The following CTNNA2 variants were observed in gnomAD, a reference collection of about 807,000 sequenced individuals.
CTNNA2 encodes catenin alpha-2.
CTNNA2 carries 42 observed loss-of-function variants against 101.0 expected under a neutral mutation model. The ratio of observed to expected loss-of-function variants is 0.42; its 90% CI spans 0.32 to 0.54. CTNNA2 has a LOEUF of 0.54. CTNNA2 is among the 20% of genes least tolerant of loss of function. The pLI, the probability that CTNNA2 is intolerant of heterozygous loss-of-function variation, is 0.14. For missense variants in CTNNA2, 871 were observed against 1,223.1 expected, an observed-to-expected ratio of 0.71 and a Z score of 4.29; for synonymous variants, 450 against 456.4, an observed-to-expected ratio of 0.99 and a Z score of 0.18.
intron 15 of CTNNA2, among the ~76,000 whole-genome samples, chr2:80,596,246 ACTTAAGG>A (rs1696940909): frequency 8.6e-6 from 1 of 116,282 alleles, no homozygotes; most frequent in Non-Finnish European, 1.7e-5. Context: ...TTGCTTATCG[ACTTAAGG>A]AGTTTTTTTG....
intron 4 of CTNNA2, among the ~76,000 whole-genome samples, chr2:79,866,811 A>G (rs1424142095): frequency 1.3e-5 from 2 of 151,890 alleles, no homozygotes; most frequent in Non-Finnish European, 2.9e-5. Flanking sequence ...GTATGATTTG[A>G]TATTTTGCAT....
chr2:80,481,076 A>G (rs753007356), intron 9 of CTNNA2, among the ~76,000 whole-genome samples: 8 of 152,152 alleles, frequency 5.3e-5, no homozygotes, highest in Non-Finnish European at 1.2e-4. Context: ...ACATTTGGTT[A>G]CCTGGACATT....
intron 7 of CTNNA2, among the ~76,000 whole-genome samples, chr2:80,077,180 C>A (rs1157581078): frequency 2.0e-5 from 3 of 152,178 alleles, no homozygotes; most frequent in African/African-American, 4.8e-5. Flanking sequence ...TAAAGTGATA[C>A]AACCTTCTTG....
intron 8 of CTNNA2, among the ~76,000 whole-genome samples, chr2:80,406,038 C>T (rs554321338): frequency 1.3e-5 from 2 of 152,304 alleles, no homozygotes; most frequent in Admixed American, 6.5e-5. Flanking sequence ...TTGCAACTAT[C>T]TAAAGGGAGT....
At chr2:79,794,558 CTTTA>C (rs779744270) in intron 3 of CTNNA2, among the ~76,000 whole-genome samples, 3 of 152,154 alleles carry the variant, frequency 2.0e-5, no homozygotes, top group Admixed American at 6.5e-5. Context: ...TTCTTTCTTT[CTTTA>C]TTTATTTTGC....
chr2:79,904,422 T>C (rs1329966197), intron 6 of CTNNA2, among the ~76,000 whole-genome samples: 1 of 152,172 alleles, frequency 6.6e-6, no homozygotes, highest in Non-Finnish European at 1.5e-5. Context: ...TGACAGATAA[T>C]ACTTAAGTAT....
At chr2:79,974,788 A>G (rs1159229236) in intron 7 of CTNNA2, among the ~76,000 whole-genome samples, 1 of 152,204 alleles carries the variant, frequency 6.6e-6, no homozygotes, top group Non-Finnish European at 1.5e-5. Context: ...ATGCAATGTT[A>G]TAAAGTGAAA....
chr2:80,389,871 G>C lies in CTNNA2; in HGVS notation c.1057-3340G>C, dbSNP rs141431569. ...TGAATTGTTTTCAGCCAAAGACTTT[G>C]AGGCTGGAGAAACCCAGGATCACAA... On this transcript the variant is annotated intron_variant, in intron 7 of 18. Transcript: ENST00000402739. 2.6e-5 allele frequency among the ~76,000 whole-genome samples: 4 copies of C among 152,232 alleles called. No individual in the cohort carries two copies. The East Asian group carries it at 7.8e-4, about 30-fold the overall frequency.
intron 3 of CTNNA2, among the ~76,000 whole-genome samples, chr2:79,355,927 C>CT (rs528475161): frequency 3.3e-5 from 5 of 151,918 alleles, no homozygotes; most frequent in African/African-American, 9.7e-5. Context: ...CATTTGAATA[C>CT]TTTTTTTCTA....
chr2:79,619,572 C>T (rs1310489276), intron 1 of CTNNA2, among the ~76,000 whole-genome samples: 1 of 152,124 alleles, frequency 6.6e-6, no homozygotes, highest in African/African-American at 2.4e-5. Flanking sequence ...CTTTGAGTCT[C>T]AAGATTTTAA....
rs1230311153 is a variant in CTNNA2, at chr2:80,302,930, G to A, written c.1057-90281G>A. The A allele has an allele frequency of 4.3e-6, 7 of 1,613,938 alleles. No individual in the cohort carries two copies. Among genetic ancestry groups the A allele is most frequent in the African/African-American group, 2.7e-5 (2 of 74,874 alleles). ...GGACTTCCAAGAGTTGAGGATCCGG[G>A]GCTCGATGTAGGTGAGGCGGTTGGA... On this transcript the variant is annotated intron_variant, in intron 7 of 18. Transcript: ENST00000402739. This position sits in a 1 kb window ranked among gnomAD's most constrained non-coding sequence, Gnocchi z 6.4.
At chr2:79,474,552 C>T (rs1671032166) in intron 4 of CTNNA2, among the ~76,000 whole-genome samples, 4 of 152,020 alleles carry the variant, frequency 2.6e-5, no homozygotes. Flanking sequence ...ATTTACTGTA[C>T]TTTAATTATT....
rs867437315 is a variant in CTNNA2, at chr2:79,267,831, A to C, written c.-405-44878A>C. ...TGTCCTGGAAAAGCCCCTGGAGATA[A>C]TCCTAATGTGTATTTGAGATGGCTC... On this transcript the variant is annotated intron_variant, in intron 2 of 21. Transcript: ENST00000466387. Among the ~76,000 whole-genome samples, 9 of 152,128 alleles carry C rather than the reference A, an allele frequency of 5.9e-5. No individual in the cohort carries two copies. The South Asian group carries it at 1.2e-3, about 21-fold the overall frequency.
At chr2:80,537,891 C>A (rs1266271802) in intron 9 of CTNNA2, among the ~76,000 whole-genome samples, 1 of 152,036 alleles carries the variant, frequency 6.6e-6, no homozygotes, top group Non-Finnish European at 1.5e-5. Flanking sequence ...CCACACCCGC[C>A]CTGTTTCCTG....
intron 7 of CTNNA2, among the ~76,000 whole-genome samples, chr2:80,215,182 G>A (rs1301426096): frequency 6.6e-6 from 1 of 151,960 alleles, no homozygotes; most frequent in Non-Finnish European, 1.5e-5. Flanking sequence ...AAGGTTTTTA[G>A]CTTCTTTACA....
rs183433707 is a variant in CTNNA2 at position 80,300,351 on chromosome 2, G to A, written c.1057-92860G>A. Among the ~76,000 whole-genome samples the A allele has an allele frequency of 3.4e-5, 5 of 146,820 alleles. No individual in the cohort carries two copies. In the East Asian group the frequency reaches 1.0e-3, roughly 30 times the overall value. ...GTGTGTGTAAGAAGCTGTCTCCCAGGGCTTAACATCTTAAAAGACATTTGC... is the reference window on the plus strand; with the variant it reads ...GTGTGTGTAAGAAGCTGTCTCCCAGAGCTTAACATCTTAAAAGACATTTGC... On this transcript the variant is annotated intron_variant, in intron 7 of 18. Transcript: ENST00000402739.
At chr2:79,202,559 C>G (rs914619436) in intron 2 of CTNNA2, among the ~76,000 whole-genome samples, 3 of 152,068 alleles carry the variant, frequency 2.0e-5, no homozygotes, top group Admixed American at 2.0e-4. Flanking sequence ...AACTCCGTTT[C>G]CCCTGTAACC....
Position 79,601,503 on chromosome 2 carries a change from T to C in CTNNA2, c.-5-50049T>C, listed in dbSNP as rs183020024. 2.3e-3 allele frequency among the ~76,000 whole-genome samples: 351 copies of C among 152,230 alleles called. 5 individuals carry two copies. Among genetic ancestry groups the C allele is most frequent in the Non-Finnish European group, 2.9e-4 (20 of 68,008 alleles). On this transcript the variant is annotated intron_variant, in intron 1 of 18. Coordinates refer to ENST00000402739, the MANE Select transcript of CTNNA2 (RefSeq NM_001282597.3). The stretch of plus-strand genomic sequence containing the variant: ...GTGTGGGCTTGGAAGCTCCATAGCC[T>C]GAGAGAGAGAGTCCACCAAAGAAGG...
At chr2:80,001,350 T>C (rs1030774353) in intron 7 of CTNNA2, among the ~76,000 whole-genome samples, 14 of 152,208 alleles carry the variant, frequency 9.2e-5, no homozygotes, top group Non-Finnish European at 1.8e-4. Flanking sequence ...ATATCCAGGC[T>C]TATCATTCTA....
Sources: allele counts gnomAD v4.1 joint callset (sites outside exome capture counted in the v4.1 genomes callset), GRCh38; gene constraint gnomAD v4.1.1; non-coding constraint Gnocchi (gnomAD v3.1); transcripts MANE v1.5; gene names NCBI Gene and HGNC (gene_info 2026-07-23, HGNC 2026-07-21).